The following NUP188 variants were observed in gnomAD, a reference collection of about 807,000 sequenced individuals.
NUP188 encodes the protein nucleoporin 188, also known as nucleoporin NUP188.
NUP188 carries 97 observed loss-of-function variants against 223.0 expected under a neutral mutation model. The ratio of observed to expected loss-of-function variants is 0.43; its 90% confidence interval spans 0.37 to 0.51. NUP188 has a LOEUF of 0.51. Among genes scored for constraint, NUP188 ranks in the 20% least tolerant of loss-of-function variants. The pLI, the probability that NUP188 is intolerant of heterozygous loss-of-function variation, is 0.00. For synonymous variants in NUP188, 869 were observed against 828.0 expected, an observed-to-expected ratio of 1.05 and a Z score of -0.85; for missense variants, 1,947 against 2,175.6, an observed-to-expected ratio of 0.89 and a Z score of 2.09.
chr9:128,960,674 G>A (rs1384658343), intron 8 of NUP188, among the ~76,000 whole-genome samples: 3 of 152,182 alleles, frequency 2.0e-5, no homozygotes, highest in African/African-American at 4.8e-5. Context: ...CTGAGGCTGG[G>A]CACAGTGGCT....
chr9:128,981,373 A>G lies in NUP188; in HGVS notation c.1499A>G (p.Lys500Arg). ...ACTCTTTGGCGGAGACAAACACCCA[A>G]ACTCCTTTATCCCCTTGGTGAGATA... ...DGTLWRRQTPKLLYPLGGQTN... is the reference protein window; with the variant it reads ...DGTLWRRQTPRLLYPLGGQTN... Residue 500 changes from lysine to arginine, a missense_variant, in exon 15 of 44, where the codon AAA becomes AGA. By Grantham distance (26) the Lys-to-Arg change is conservative. Transcript: ENST00000372577. 1 of 1,613,754 alleles carries G rather than the reference A, an allele frequency of 6.2e-7. No individual in the cohort carries two copies. The highest frequency in any genetic ancestry group is 8.5e-7 in the Non-Finnish European group (1 of 1,179,910).
intron 43 of NUP188, 23 bp downstream of exon 43, chr9:129,006,391 A>G (rs938383185): frequency 6.2e-6 from 10 of 1,614,040 alleles, no homozygotes; most frequent in African/African-American, 1.3e-5. Flanking sequence ...AGGGATACGG[A>G]GGGCTGGACC....
chr9:128,987,303 A>G (rs957757068), intron 22 of NUP188, among the ~76,000 whole-genome samples: 6 of 151,908 alleles, frequency 3.9e-5, no homozygotes, highest in Non-Finnish European at 8.8e-5. Flanking sequence ...TACTGCTTAT[A>G]GATGTCTTAT....
chr9:128,978,661 TATAA>T (rs1023979522), intron 12 of NUP188, among the ~76,000 whole-genome samples: 1 of 151,200 alleles, frequency 6.6e-6, no homozygotes, highest in Non-Finnish European at 1.5e-5. Flanking sequence ...TGTCTTTAAA[TATAA>T]ATAAATAAAT....
intron 8 of NUP188, chr9:128,964,312 GT>G: frequency 2.9e-6 from 1 of 346,542 alleles, no homozygotes. Flanking sequence ...CCAGATAGAT[GT>G]TTTACAACTT....
chr9:128,953,741 A>G (rs1282585901), intron 3 of NUP188, among the ~76,000 whole-genome samples: 1 of 152,108 alleles, frequency 6.6e-6, no homozygotes, highest in Non-Finnish European at 1.5e-5. Context: ...GGGGAAACTG[A>G]GGCACAAAGA....
intron 4 of NUP188, 38 bp downstream of exon 4, chr9:128,956,472 C>G: frequency 9.1e-7 from 1 of 1,101,810 alleles, no homozygotes. Flanking sequence ...TTATTACTTG[C>G]AGTGTGGATG....
intron 33 of NUP188, 53 bp downstream of exon 33, chr9:128,999,370 A>C: frequency 1.9e-6 from 3 of 1,596,080 alleles, no homozygotes; most frequent in Non-Finnish European, 1.7e-6. Flanking sequence ...ACTCCTGCTG[A>C]CAGCCAGGCA....
At position 129,002,810 on chromosome 9, in the gene NUP188, A is replaced by G. The variant is rs368848949; in HGVS notation, c.4138-7A>G. The G allele has an allele frequency of 4.3e-6, 7 of 1,613,144 alleles. No homozygotes were observed. The highest frequency in any genetic ancestry group is 5.9e-6 in the Non-Finnish European group (7 of 1,179,544). ...GTTCCTGAGCTTGTCTGCTGTTTGT[A>G]TCTTAGACACCTAGTGCCTCTCGGA... On this transcript the variant is annotated splice_region_variant and splice_polypyrimidine_tract_variant and intron_variant, in intron 36 of 43. Transcript: ENST00000372577.
chr9:128,983,199 G>T (rs1353606268), intron 17 of NUP188, 94 bp from the exon 18 acceptor site: 8 of 1,378,594 alleles, frequency 5.8e-6, no homozygotes, highest in African/African-American at 1.4e-5. Context: ...TCTGCTGAGG[G>T]GAGAGACTGG....
At chr9:128,985,971 G>A (rs984379367) in intron 20 of NUP188, among the ~76,000 whole-genome samples, 2 of 152,108 alleles carry the variant, frequency 1.3e-5, no homozygotes, top group Non-Finnish European at 2.9e-5. Context: ...CCTGGGAGGC[G>A]GAGGTTGCAG....
intron 22 of NUP188, 102 bp downstream of exon 22, chr9:128,986,977 T>A: frequency 9.1e-6 from 9 of 993,958 alleles, no homozygotes; most frequent in South Asian, 5.6e-5. Context: ...TTACCTTGCT[T>A]GAGCCCAGAA....
At chr9:128,992,590 A>G (rs1213397251) in intron 25 of NUP188, among the ~76,000 whole-genome samples, 1 of 152,070 alleles carries the variant, frequency 6.6e-6, no homozygotes, top group African/African-American at 2.4e-5. Context: ...GACTTCCTTC[A>G]TTCTTTTTTG....
rs1325832124 is a variant in NUP188 at position 128,983,496 on chromosome 9, C to G, written c.1907C>G (p.Thr636Arg). 6.2e-7 allele frequency: 1 copy of G among 1,614,122 alleles called. No individual in the cohort carries two copies. Among genetic ancestry groups the G allele is most frequent in the Admixed American group, 1.7e-5 (1 of 60,014 alleles). ...CAGGTCTGGACTGATCTTCGTCACA[C>G]AGGTTTTTTACCATTTGTGGCCCAT... ...PAKVWTDLRH[T>R]GFLPFVAHPV... Residue 636 changes from threonine (T) to arginine (R), a missense_variant, in exon 19 of 44, where the codon ACA (threonine) becomes AGA (arginine). Physicochemically the swap from Thr to Arg is moderately conservative, Grantham distance 71. Around this residue, in one of 3 missense-constraint regions of NUP188, gnomAD observed 817 missense variants for 865.8 expected, o/e 0.94. Coordinates refer to ENST00000372577, the MANE Select transcript of NUP188 (RefSeq NM_015354.3).
chr9:129,006,417 C>T (rs1842806420), intron 43 of NUP188, 49 bp downstream of exon 43: 2 of 1,613,220 alleles, frequency 1.2e-6, no homozygotes, highest in African/African-American at 2.7e-5. Context: ...GGCCAGAGCC[C>T]TGTGGGGTCC....
rs1307656074 is a variant in NUP188, at chr9:128,971,063, C to T, written c.1113+105C>T. 8.0e-6 allele frequency: 7 copies of T among 878,520 alleles called. No homozygotes were observed. The East Asian group carries it at 1.2e-4, about 15-fold the overall frequency. The allele number at this position is 878,520 out of a possible 1,614,324, so 54.4% of individuals were successfully genotyped here. A position where few individuals can be genotyped will look rare whatever the true frequency, so the allele number is the denominator to read the frequency against. ...TGTGGATAATGGGATCATGTTGTAA[C>T]TAACCTTTTGAGAGCATTTAGACAT... On this transcript the variant is annotated intron_variant, in intron 11 of 43. Transcript: ENST00000372577.
chr9:128,974,254 G>A (rs1842140160), intron 12 of NUP188, among the ~76,000 whole-genome samples: 1 of 151,826 alleles, frequency 6.6e-6, no homozygotes, highest in African/African-American at 2.4e-5. Flanking sequence ...TATTGCCCAG[G>A]CTGGTCTCAA....
intron 2 of NUP188, among the ~76,000 whole-genome samples, chr9:128,950,004 C>T (rs1259404688): frequency 6.7e-6 from 1 of 149,740 alleles, no homozygotes; most frequent in African/African-American, 2.5e-5. Context: ...CTCACTTCAA[C>T]CTCTGCCACC....
Position 128,973,189 on chromosome 9 carries a change from C to T in NUP188, c.1143C>T (p.Val381=), listed in dbSNP as rs1364770249. The T allele has an allele frequency of 1.2e-6, 2 of 1,613,608 alleles. No individual in the cohort carries two copies. Among genetic ancestry groups the T allele is most frequent in the Non-Finnish European group, 1.7e-6 (2 of 1,179,848 alleles). Residue 381 remains valine, a synonymous_variant, in exon 12 of 44, where the codon GTC becomes GTT. Coordinates refer to ENST00000372577, the MANE Select transcript of NUP188 (RefSeq NM_015354.3). ...DCTTSTACMC[V]YGLLSFVLTS... The stretch of plus-strand genomic sequence containing the variant: ...CCACCAGCACTGCATGCATGTGTGT[C>T]TATGGACTGCTCTCTTTCGTTCTGA...
Sources: gnomAD v4.1 joint callset for allele counts (sites outside exome capture counted in the v4.1 genomes callset) on GRCh38, gnomAD v4.1.1 for gene constraint, gnomAD v4.1.1 regional missense constraint, MANE v1.5 for transcripts, NCBI Gene and HGNC (gene_info 2026-07-23, HGNC 2026-07-21) for gene names.